HES7: variants seen among roughly 807,000 people sequenced by gnomAD.
HES7 encodes the protein hes family bHLH transcription factor 7, also known as transcription factor HES-7.
In HES7, 8 loss-of-function variants were observed where a neutral mutation model predicts 18.0. The observed-to-expected ratio is 0.45, with a 90% CI of 0.26 to 0.80. HES7 has a LOEUF of 0.80. HES7 is among the 30% of genes least tolerant of loss of function. The pLI is 0.18. For missense variants in HES7, 356 were observed against 340.9 expected, an observed-to-expected ratio of 1.04 and a Z score of -0.35; for synonymous variants, 170 against 158.6, an observed-to-expected ratio of 1.07 and a Z score of -0.54.
chr17:8,125,720 G>A (rs1241310495), upstream of HES7, among the ~76,000 whole-genome samples: 3 of 152,186 alleles, frequency 2.0e-5, no homozygotes, highest in Admixed American at 1.3e-4. Flanking sequence ...ATCTCAGATA[G>A]GATCCCCGCA....
chr17:8,122,412 G>A lies in HES7; in HGVS notation c.157C>T (p.Leu53=). 6.3e-7 allele frequency: 1 copy of A among 1,589,142 alleles called. No individual in the cohort carries two copies. Among genetic ancestry groups the A allele is most frequent in the South Asian group, 1.1e-5 (1 of 87,158 alleles). ...AACTCCAATATCTCCGCTTTCTCCAGCTTCGGGTTCCGGAGGTTCTACAGA... is the reference window on the plus strand; with the variant it reads ...AACTCCAATATCTCCGCTTTCTCCAACTTCGGGTTCCGGAGGTTCTACAGA... ...TRDQNLRNPK[L]EKAEILEFAV... is the part of the protein sequence containing the mutation. The change falls in exon 3 of 4, where the codon CTG becomes TTG. Residue 53 remains leucine (L), a synonymous_variant. Transcript: ENST00000541682. The surrounding 1 kb of genome is among the most constrained non-coding windows in gnomAD (Gnocchi z 6.9).
upstream of HES7, among the ~76,000 whole-genome samples, chr17:8,125,018 G>T (rs1391907355): frequency 6.6e-6 from 1 of 152,138 alleles, no homozygotes; most frequent in Non-Finnish European, 1.5e-5. Context: ...CCTGGTGACT[G>T]TAGGGTAGCA....
chr17:8,121,824 G>A lies in HES7; in HGVS notation c.440C>T (p.Ala147Val). The A allele has an allele frequency of 6.4e-7, 1 of 1,569,446 alleles. No individual in the cohort carries two copies. Among genetic ancestry groups the A allele is most frequent in the Non-Finnish European group, 8.6e-7 (1 of 1,168,716 alleles). Residue 147 changes from alanine to valine, a missense_variant, in exon 4 of 4, where the codon GCG becomes GTG. Ala to Val is a moderately conservative substitution (Grantham distance 64). Coordinates refer to ENST00000541682, the MANE Select transcript of HES7 (RefSeq NM_001165967.2). ...RPKPVDPRPP[A>V]PRPSLDPAAP... The stretch of plus-strand genomic sequence containing the variant: ...GGCGGGGTCCAGGGATGGGCGCGGC[G>A]CTGGAGGCCTCGGATCTACCGGCTT...
rs769601476 is a variant in HES7, at chr17:8,121,875, T to C, written c.389A>G (p.Tyr130Cys). 1.0e-5 allele frequency: 16 copies of C among 1,571,558 alleles called. No homozygotes were observed. The South Asian group carries it at 1.5e-4, about 14-fold the overall frequency. ...GGGCCGGGGCGGTTTGGGGCGCAGA[T>C]AGCCGTGCAGCGCGGAGAAGAGCTG... The part of the protein sequence containing the change: ...RAQLFSALHG[Y>C]LRPKPPRPKP... The change falls in exon 4 of 4, where the codon TAT (tyrosine) becomes TGT (cysteine). Residue 130 changes from tyrosine to cysteine, a missense_variant. Tyr to Cys is a radical substitution (Grantham distance 194). Coordinates refer to ENST00000541682, the MANE Select transcript of HES7 (RefSeq NM_001165967.2).
chr17:8,121,802 G>T lies in HES7; in HGVS notation c.462C>A (p.Pro154=). 1 of 1,559,150 alleles carries T rather than the reference G, an allele frequency of 6.4e-7. No homozygotes were observed. Among genetic ancestry groups the T allele is most frequent in the African/African-American group, 1.4e-5 (1 of 70,628 alleles). The change falls in exon 4 of 4, where the codon CCC becomes CCA. Residue 154 remains proline, a synonymous_variant. Transcript: ENST00000541682. ...RPPAPRPSLD[P]AAPALGPALH... is the part of the protein sequence containing the mutation. ...GCGCAGGGCCAAGGGCCGGTGCGGC[G>T]GGGTCCAGGGATGGGCGCGGCGCTG...
At chr17:8,125,121 T>C (rs1256302021), upstream of HES7, among the ~76,000 whole-genome samples, 1 of 152,154 alleles carries the variant, frequency 6.6e-6, no homozygotes, top group Non-Finnish European at 1.5e-5. Context: ...CGCAGAACGA[T>C]GCCTGACCAC....
chr17:8,121,821 G>C lies in HES7; in HGVS notation c.443C>G (p.Pro148Arg). ...TGCGGCGGGGTCCAGGGATGGGCGC[G>C]GCGCTGGAGGCCTCGGATCTACCGG... The part of the protein sequence containing the change: ...PKPVDPRPPA[P>R]RPSLDPAAPA... The change falls in exon 4 of 4, where the codon CCG becomes CGG. Residue 148 changes from proline (P) to arginine (R), a missense_variant. By Grantham distance (103) the Pro-to-Arg change is moderately radical (BLOSUM62 -2). Transcript: ENST00000541682. 3.8e-6 allele frequency: 6 copies of C among 1,566,858 alleles called. No homozygotes were observed. Among genetic ancestry groups the C allele is most frequent in the Non-Finnish European group, 4.3e-6 (5 of 1,167,608 alleles).
At position 8,123,200 on chromosome 17, in the gene HES7, G is replaced by C. The variant is rs1480628127; in HGVS notation, c.43-74C>G. On this transcript the variant is annotated intron_variant, in intron 1 of 3. Transcript: ENST00000541682. This position sits in a 1 kb window ranked among gnomAD's most constrained non-coding sequence, Gnocchi z 5.9. ...TGCGGCCGCCCCGGCGTCGGATCCCGCCGCTGGGAGAGCCCGGCTTCCACC... is the reference window on the plus strand; with the variant it reads ...TGCGGCCGCCCCGGCGTCGGATCCCCCCGCTGGGAGAGCCCGGCTTCCACC... The C allele has an allele frequency of 3.6e-5, 43 of 1,203,320 alleles. No homozygotes were observed. Among genetic ancestry groups the C allele is most frequent in the Non-Finnish European group, 4.9e-5 (41 of 837,654 alleles). The allele number at this position is 1,203,320 out of a possible 1,614,324, so 74.5% of individuals were successfully genotyped here. A position where few individuals can be genotyped will look rare whatever the true frequency, so the allele number is the denominator to read the frequency against.
upstream of HES7, among the ~76,000 whole-genome samples, chr17:8,125,737 T>C (rs111723640): frequency 3.1e-3 from 477 of 152,312 alleles, 2 homozygotes; most frequent in African/African-American, 0.01. Context: ...CGCAGAATCT[T>C]TAAGCCGCGC....
At position 8,122,163 on chromosome 17, in the gene HES7, G is replaced by T. The variant is rs564810180; in HGVS notation, c.227-126C>A. The T allele has an allele frequency of 1.0e-6, 1 of 999,218 alleles. No individual in the cohort carries two copies. Among genetic ancestry groups the T allele is most frequent in the African/African-American group, 1.7e-5 (1 of 60,244 alleles). The allele number at this position is 999,218 out of a possible 1,614,324, so 61.9% of individuals were successfully genotyped here. A position where few individuals can be genotyped will look rare whatever the true frequency, so the allele number is the denominator to read the frequency against. ...AGACAGGAAGCCAGATGGACGGAAA[G>T]AGGGAGAAAATGAGGGAGACACAGA... On this transcript the variant is annotated intron_variant, in intron 3 of 3. Coordinates refer to ENST00000541682, the MANE Select transcript of HES7 (RefSeq NM_001165967.2). This position sits in a 1 kb window ranked among gnomAD's most constrained non-coding sequence, Gnocchi z 6.9.
chr17:8,121,895 G>GAGCT lies in HES7; in HGVS notation c.365_368dup (p.Phe124AlafsTer53). On this transcript the variant is annotated frameshift_variant, in exon 4 of 4. Coordinates refer to ENST00000541682, the MANE Select transcript of HES7 (RefSeq NM_001165967.2). LOFTEE classifies it high-confidence loss of function. ...GCAGATAGCCGTGCAGCGCGGAGAA[G>GAGCT]AGCTGGGCGCGGGCGGCCGGGCTGG... 1 of 1,570,624 alleles carries GAGCT rather than the reference G, an allele frequency of 6.4e-7. No homozygotes were observed. Among genetic ancestry groups the GAGCT allele is most frequent in the Non-Finnish European group, 8.6e-7 (1 of 1,168,720 alleles).
Position 8,123,458 on chromosome 17 carries a change from G to A in HES7, c.43-332C>T, listed in dbSNP as rs1981467747. On this transcript the variant is annotated intron_variant, in intron 1 of 3. Transcript: ENST00000541682. This position sits in a 1 kb window ranked among gnomAD's most constrained non-coding sequence, Gnocchi z 5.9. ...CAGTGGAGAACTTTGGGGACTCTCT[G>A]CGCGCACGCACGTGCGCCGCACGGT... is the stretch of plus-strand genomic sequence containing the variant. The A allele has an allele frequency of 2.3e-6, 1 of 430,240 alleles. No individual in the cohort carries two copies. The highest frequency in any genetic ancestry group is 4.3e-6 in the Non-Finnish European group (1 of 232,886). The allele number at this position is 430,240 out of a possible 1,614,324, so 26.7% of individuals were successfully genotyped here.
At position 8,120,886 on chromosome 17, in the gene HES7, T is replaced by C. The variant is rs75711247; in HGVS notation, c.*685A>G. The C allele has an allele frequency of 0.097, 14,822 of 152,688 alleles. 986 individuals carry two copies. The highest frequency in any genetic ancestry group is 0.26 in the South Asian group (1,278 of 4,830). 9.5% of individuals were successfully genotyped at this position (152,688 alleles called of 1,614,324 possible). ...CCCCAACCCTGCCCCATTCCCACTC[T>C]AGTACCCGTAAGCTACAAGACGCCG... On this transcript the variant is annotated 3_prime_UTR_variant, in exon 4 of 4. Transcript: ENST00000541682.
chr17:8,121,419 C>T lies in HES7; in HGVS notation c.*152G>A. On this transcript the variant is annotated 3_prime_UTR_variant, in exon 4 of 4. Transcript: ENST00000541682. ...GGAAATATATATTTATATAGATACTCTAATATAGACCACATCTCACCCGCG... is the reference window on the plus strand; with the variant it reads ...GGAAATATATATTTATATAGATACTTTAATATAGACCACATCTCACCCGCG... 1 of 472,556 alleles carries T rather than the reference C, an allele frequency of 2.1e-6. No homozygotes were observed. The allele number at this position is 472,556 out of a possible 1,614,324, so 29.3% of individuals were successfully genotyped here.
In HES7 at chr17:8,121,212, A is replaced by C; in HGVS notation, c.*359T>G. On this transcript the variant is annotated 3_prime_UTR_variant, in exon 4 of 4. Coordinates refer to ENST00000541682, the MANE Select transcript of HES7 (RefSeq NM_001165967.2). ...AGGGTGGGAGACAGAAGGGAAGGGA[A>C]AGTGGGCGTGGACGTCGAGATAAAG... The C allele has an allele frequency of 5.4e-6, 1 of 185,760 alleles. No individual in the cohort carries two copies. The highest frequency in any genetic ancestry group is 1.1e-5 in the Non-Finnish European group (1 of 90,268). The allele number at this position is 185,760 out of a possible 1,614,324, so 11.5% of individuals were successfully genotyped here. A position where few individuals can be genotyped will look rare whatever the true frequency, so the allele number is the denominator to read the frequency against.
At chr17:8,126,326 GTC>G (rs1981605690), upstream of HES7, among the ~76,000 whole-genome samples, 1 of 152,006 alleles carries the variant, frequency 6.6e-6, no homozygotes. Context: ...TCTGCCCTGG[GTC>G]TCTCTGGTGT....
upstream of HES7, among the ~76,000 whole-genome samples, chr17:8,125,754 G>T (rs919021066): frequency 2.0e-5 from 3 of 152,194 alleles, no homozygotes; most frequent in African/African-American, 7.2e-5. Context: ...GCGCATTGGT[G>T]GTTCAGTGGT....
Position 8,121,921 on chromosome 17 carries a change from C to T in HES7, c.343G>A (p.Ala115Thr), listed in dbSNP as rs1285761796. The change falls in exon 4 of 4, where the codon GCC becomes ACC. Residue 115 changes from alanine to threonine, a missense_variant. Ala to Thr is a moderately conservative substitution (Grantham distance 58). Coordinates refer to ENST00000541682, the MANE Select transcript of HES7 (RefSeq NM_001165967.2). ...LLRLAAFAHDASPAARAQLFS... is the reference protein window; with the variant it reads ...LLRLAAFAHDTSPAARAQLFS... ...AGCTGGGCGCGGGCGGCCGGGCTGG[C>T]GTCGTGCGCGAAGGCCGCCAAGCGA... The T allele has an allele frequency of 6.4e-6, 10 of 1,564,256 alleles. No individual in the cohort carries two copies. The South Asian group carries it at 1.0e-4, about 16-fold the overall frequency.
chr17:8,124,530 C>A (rs1172215531), upstream of HES7, among the ~76,000 whole-genome samples: 6 of 152,188 alleles, frequency 3.9e-5, no homozygotes, highest in African/African-American at 1.4e-4. Context: ...GCTTCCTAGT[C>A]GAGACAGGGA....
Sources: allele counts gnomAD v4.1 joint callset (sites outside exome capture counted in the v4.1 genomes callset), GRCh38; gene constraint gnomAD v4.1.1; non-coding constraint Gnocchi (gnomAD v3.1); transcripts MANE v1.5; gene names NCBI Gene and HGNC (gene_info 2026-07-23, HGNC 2026-07-21).